Variants in ATP6V0E1 observed in about 807,000 individuals in gnomAD.
The protein encoded by ATP6V0E1 is V-type proton ATPase subunit e 1.
ATP6V0E1 carries 4 observed loss-of-function variants against 11.6 expected under a neutral mutation model. The observed-to-expected ratio is 0.35, with a 90% CI of 0.17 to 0.79. The LOEUF (loss-of-function observed/expected upper bound fraction) is 0.79, where lower values mean the gene tolerates loss of function less well. Ranked by LOEUF, ATP6V0E1 falls within the 30% of genes least tolerant of loss-of-function variation. The pLI, the probability that ATP6V0E1 is intolerant of heterozygous loss-of-function variation, is 0.54. For missense variants in ATP6V0E1, 105 were observed against 100.0 expected, an observed-to-expected ratio of 1.05 and a Z score of -0.21; for synonymous variants, 36 against 34.8, an observed-to-expected ratio of 1.04 and a Z score of -0.13.
rs1158002617 is a variant in ATP6V0E1, at chr5:173,024,945, C to T, written c.*36+4578C>T. Among the ~76,000 whole-genome samples, 29 of 146,474 alleles carry T rather than the reference C, an allele frequency of 2.0e-4. 1 individual carries two copies. The highest frequency in any genetic ancestry group is 6.8e-4 in the African/African-American group (27 of 39,580). On this transcript the variant is annotated intron_variant, in intron 3 of 3. Coordinates refer to ENST00000519374, the MANE Select transcript of ATP6V0E1 (RefSeq NM_003945.4). ...GCAACCTCTGCCTCCTGGGTTCAAGCGATTCTCCTGCCTCAGCCTCCCAAG... is the reference window on the plus strand; with the variant it reads ...GCAACCTCTGCCTCCTGGGTTCAAGTGATTCTCCTGCCTCAGCCTCCCAAG...
chr5:172,995,406 A>G (rs13180504), intron 2 of ATP6V0E1, among the ~76,000 whole-genome samples: 3 of 151,970 alleles, frequency 2.0e-5, no homozygotes, highest in Admixed American at 6.6e-5. Flanking sequence ...CCGGTATACT[A>G]TTGTGAAGTA....
At chr5:173,024,660 C>T (rs1003458097) in intron 3 of ATP6V0E1, among the ~76,000 whole-genome samples, 2 of 151,998 alleles carry the variant, frequency 1.3e-5, no homozygotes, top group South Asian at 2.1e-4. Flanking sequence ...GAATCACGAT[C>T]GGAGTGCTAG....
At chr5:173,020,808 C>T in intron 3 of ATP6V0E1, 1 of 519,692 alleles carries the variant, frequency 1.9e-6, no homozygotes, top group Non-Finnish European at 3.8e-6. Context: ...TTGTCTTCAT[C>T]CGGTTGCCTG....
rs117208792 is a variant in ATP6V0E1 at position 173,007,662 on chromosome 5, C to T, written c.153-12576C>T. ...ATGGCAAAAGAGTTACTAAAAGATA[C>T]AAAGAAACTATATTTGGTTCCCTAG... is the stretch of plus-strand genomic sequence containing the variant. On this transcript the variant is annotated intron_variant, in intron 2 of 3. Transcript: ENST00000519374. 1.7e-4 allele frequency among the ~76,000 whole-genome samples: 26 copies of T among 152,258 alleles called. 1 individual carries two copies. The East Asian group carries it at 5.0e-3, about 29-fold the overall frequency.
chr5:173,010,915 T>C (rs769760848), intron 2 of ATP6V0E1, among the ~76,000 whole-genome samples: 6 of 152,194 alleles, frequency 3.9e-5, no homozygotes, highest in Admixed American at 6.5e-5. Context: ...GGTGAGGGCA[T>C]AGTTTATGCT....
intron 1 of ATP6V0E1, among the ~76,000 whole-genome samples, chr5:172,989,083 C>T (rs150083476): frequency 0.012 from 1,892 of 152,220 alleles, 10 homozygotes; most frequent in Non-Finnish European, 0.021. Context: ...TGGCTCACAC[C>T]GGCACTTTGG....
At chr5:172,999,322 C>T (rs968630261) in intron 2 of ATP6V0E1, among the ~76,000 whole-genome samples, 2 of 147,278 alleles carry the variant, frequency 1.4e-5, no homozygotes, top group African/African-American at 4.9e-5. Flanking sequence ...TGTATTTCCA[C>T]TTTTTTTTTT....
intron 1 of ATP6V0E1, among the ~76,000 whole-genome samples, chr5:172,985,690 C>G (rs932342345): frequency 6.6e-6 from 1 of 152,208 alleles, no homozygotes; most frequent in Non-Finnish European, 1.5e-5. Context: ...AAAGACCATT[C>G]TCTCCCCTTC....
chr5:172,997,315 A>G (rs1466279501), intron 2 of ATP6V0E1, among the ~76,000 whole-genome samples: 2 of 152,356 alleles, frequency 1.3e-5, no homozygotes, highest in South Asian at 4.1e-4. Context: ...AACACGTAGA[A>G]AACAAGAAAT....
chr5:172,985,073 G>A (rs1416651337), intron 1 of ATP6V0E1, among the ~76,000 whole-genome samples: 3 of 151,878 alleles, frequency 2.0e-5, no homozygotes, highest in Non-Finnish European at 2.9e-5. Context: ...GGTGAAACCC[G>A]TCTCTACTAA....
chr5:172,995,251 A>G (rs1016019641), intron 2 of ATP6V0E1, among the ~76,000 whole-genome samples: 5 of 152,174 alleles, frequency 3.3e-5, no homozygotes, highest in African/African-American at 9.7e-5. Flanking sequence ...TTACAGGCAC[A>G]CGCCGCCATG....
intron 1 of ATP6V0E1, among the ~76,000 whole-genome samples, chr5:172,990,996 A>C (rs1446577212): frequency 6.6e-6 from 1 of 151,976 alleles, no homozygotes; most frequent in Non-Finnish European, 1.5e-5. Context: ...TGCGTTGCCA[A>C]GGCCTCGAGT....
intron 1 of ATP6V0E1, among the ~76,000 whole-genome samples, chr5:172,990,014 ATGT>A (rs1423595768): frequency 1.3e-5 from 2 of 152,032 alleles, no homozygotes; most frequent in Non-Finnish European, 2.9e-5. Context: ...TAAAAAAAAA[ATGT>A]TGTAGATACT....
chr5:173,000,079 A>G (rs1756130884), intron 2 of ATP6V0E1, among the ~76,000 whole-genome samples: 1 of 152,184 alleles, frequency 6.6e-6, no homozygotes, highest in African/African-American at 2.4e-5. Context: ...GCACACCCAA[A>G]GAGACTTTGG....
chr5:173,002,174 A>T (rs1315119025), intron 2 of ATP6V0E1, among the ~76,000 whole-genome samples: 1 of 152,182 alleles, frequency 6.6e-6, no homozygotes, highest in Non-Finnish European at 1.5e-5. Context: ...ATCTGTAAAC[A>T]TTTCAATATG....
chr5:173,025,035 G>T (rs1238005197), intron 3 of ATP6V0E1, among the ~76,000 whole-genome samples: 4 of 150,832 alleles, frequency 2.7e-5, no homozygotes, highest in Non-Finnish European at 5.9e-5. Context: ...TAGAGACGGG[G>T]TTTCACCATG....
intron 2 of ATP6V0E1, among the ~76,000 whole-genome samples, chr5:173,008,931 A>C (rs1046796720): frequency 2.0e-5 from 3 of 149,438 alleles, no homozygotes; most frequent in East Asian, 2.0e-4. Flanking sequence ...AAAAAAAAAA[A>C]AAACTCAACT....
intron 2 of ATP6V0E1, among the ~76,000 whole-genome samples, chr5:172,998,377 C>T (rs1020305213): frequency 2.7e-4 from 41 of 151,412 alleles, no homozygotes; most frequent in African/African-American, 8.0e-4. Flanking sequence ...GAGGCCAAGG[C>T]GGGAAGATCA....
At chr5:172,998,109 CA>C (rs544533960) in intron 2 of ATP6V0E1, among the ~76,000 whole-genome samples, 2,330 of 120,806 alleles carry the variant, frequency 0.019, 55 homozygotes, top group African/African-American at 0.063. Context: ...TACCCTGTCT[CA>C]AAAAAAAAAA....
Sources: allele counts gnomAD v4.1 joint callset (sites outside exome capture counted in the v4.1 genomes callset), GRCh38; gene constraint gnomAD v4.1.1; transcripts MANE v1.5; gene names NCBI Gene and HGNC (gene_info 2026-07-23, HGNC 2026-07-21).